The following C10orf71 variants were observed in gnomAD, a reference collection of about 807,000 sequenced individuals.
C10orf71 encodes the protein cardiac-enriched FHL2-interacting protein.
For missense variants in C10orf71, 1,869 were observed against 1,804.5 expected (o/e 1.04, Z -0.65); for synonymous variants, 758 against 726.3 (o/e 1.04, Z -0.70).
At position 49,299,179 on chromosome 10, in the gene C10orf71, G is replaced by C. The variant is rs1848680716; in HGVS notation, c.-302G>C. ...GCGGGTGTTGCAGTGCGGACTGTTT[G>C]CCTCTTCCCCACCAAGAACACCATT... On this transcript the variant is annotated 5_prime_UTR_variant, in exon 1 of 3. Transcript: ENST00000374144. 1 of 152,212 alleles carries C rather than the reference G, an allele frequency of 6.6e-6. No individual in the cohort carries two copies. The highest frequency in any genetic ancestry group is 1.5e-5 in the Non-Finnish European group (1 of 68,060). The allele number at this position is 152,212 out of a possible 1,614,324, so 9.4% of individuals were successfully genotyped here.
At chr10:49,307,675 C>T (rs2132406093) in intron 1 of C10orf71, among the ~76,000 whole-genome samples, 1 of 152,342 alleles carries the variant, frequency 6.6e-6, no homozygotes, top group Non-Finnish European at 1.5e-5. Flanking sequence ...ATCAGGGAGG[C>T]AGCAAGAAAT....
At chr10:49,313,031 A>G (rs1207755162) in intron 1 of C10orf71, among the ~76,000 whole-genome samples, 1 of 152,240 alleles carries the variant, frequency 6.6e-6, no homozygotes, top group Non-Finnish European at 1.5e-5. Context: ...TGCATGAAAA[A>G]GAAACAGACA....
intron 1 of C10orf71, among the ~76,000 whole-genome samples, chr10:49,312,800 A>G (rs191922145): frequency 5.3e-5 from 8 of 152,336 alleles, no homozygotes; most frequent in African/African-American, 1.7e-4. Flanking sequence ...CATGGGGGGA[A>G]TTTTACATAT....
chr10:49,319,543 G>T (rs925219108), intron 2 of C10orf71, among the ~76,000 whole-genome samples: 1 of 151,710 alleles, frequency 6.6e-6, no homozygotes, highest in African/African-American at 2.4e-5. Flanking sequence ...TTGAAAGCAG[G>T]GTCTTTGAGA....
In C10orf71 at chr10:49,325,674, C is replaced by A; in HGVS notation, c.3129C>A (p.Pro1043=). 1.3e-6 allele frequency: 2 copies of A among 1,552,068 alleles called. No individual in the cohort carries two copies. Among genetic ancestry groups the A allele is most frequent in the African/African-American group, 2.7e-5 (2 of 73,186 alleles). The change falls in exon 3 of 3, where the codon CCC becomes CCA. Residue 1043 remains proline, a synonymous_variant. Transcript: ENST00000374144. ...SHFLSTPRAG[P]PGRRLVPSER... The stretch of plus-strand genomic sequence containing the variant: ...TTTTGTCCACACCCAGAGCAGGGCC[C>A]CCTGGCAGAAGACTGGTCCCCAGTG...
Position 49,324,682 on chromosome 10 carries a change from G to A in C10orf71, c.2137G>A (p.Asp713Asn). 1 of 1,610,798 alleles carries A rather than the reference G, an allele frequency of 6.2e-7. No individual in the cohort carries two copies. Among genetic ancestry groups the A allele is most frequent in the Non-Finnish European group, 8.5e-7 (1 of 1,178,458 alleles). Residue 713 changes from aspartate to asparagine, a missense_variant, in exon 3 of 3, where the codon GAC becomes AAC. Coordinates refer to ENST00000374144, the MANE Select transcript of C10orf71 (RefSeq NM_001135196.2). ...SPEEEDVFYS[D>N]SQSDFMPSLK... is the part of the protein sequence containing the mutation. ...TGAGGAGGAAGATGTGTTTTACAGT[G>A]ACAGCCAATCCGATTTTATGCCAAG... is the stretch of plus-strand genomic sequence containing the variant.
Sources: gnomAD v4.1 joint callset for allele counts (sites outside exome capture counted in the v4.1 genomes callset) on GRCh38, gnomAD v4.1.1 for gene constraint, MANE v1.5 for transcripts, NCBI Gene and HGNC (gene_info 2026-07-23, HGNC 2026-07-21) for gene names.